The following CDK14 variants were observed in gnomAD, a reference collection of about 807,000 sequenced individuals.
CDK14 encodes cyclin-dependent kinase 14.
Under a neutral mutation model 60.7 loss-of-function variants are expected in CDK14, and 34 were observed. The observed-to-expected ratio is 0.56, with a 90% CI of 0.43 to 0.75. The LOEUF is 0.75. CDK14 is among the 30% of genes least tolerant of loss of function. CDK14 has a pLI of 0.00. For synonymous variants in CDK14, 197 were observed against 203.7 expected (o/e 0.97, Z 0.28); for missense variants, 482 against 564.1 (o/e 0.85, Z 1.47).
chr7:90,630,859 T>C (rs1799979054), intron 2 of CDK14, among the ~76,000 whole-genome samples: 1 of 151,000 alleles, frequency 6.6e-6, no homozygotes, highest in Admixed American at 6.6e-5. Flanking sequence ...GGTGGTGTTA[T>C]CTCTGAGTAT....
In CDK14 at chr7:90,825,381, T is replaced by G. The variant is rs571309570; in HGVS notation, c.544+34729T>G. Among the ~76,000 whole-genome samples the G allele has an allele frequency of 2.7e-4, 41 of 152,306 alleles. 1 individual carries two copies. The highest frequency in any genetic ancestry group is 1.6e-4 in the Non-Finnish European group (11 of 68,026). On this transcript the variant is annotated intron_variant, in intron 5 of 14. Transcript: ENST00000380050. ...CTGTAGGACCCTCCAAGAAAAGTTA[T>G]GTATAAAGGAGAGTTATACTCATTT...
chr7:90,832,622 A>G (rs963589087), intron 5 of CDK14, among the ~76,000 whole-genome samples: 3 of 152,228 alleles, frequency 2.0e-5, no homozygotes, highest in Non-Finnish European at 2.9e-5. Context: ...AGAGTCAATC[A>G]GCATGGAAAA....
At chr7:90,734,517 C>CT (rs1476473884) in intron 3 of CDK14, among the ~76,000 whole-genome samples, 2 of 152,140 alleles carry the variant, frequency 1.3e-5, no homozygotes, top group Non-Finnish European at 2.9e-5. Context: ...TCTTTTCACT[C>CT]TTTTTTCTCT....
intron 3 of CDK14, among the ~76,000 whole-genome samples, chr7:90,732,562 G>C (rs2116737216): frequency 6.6e-6 from 1 of 152,234 alleles, no homozygotes; most frequent in East Asian, 1.9e-4. Context: ...TCCTGGTTTA[G>C]TTTTAGGAGG....
chr7:91,106,709 A>C (rs1216380649), intron 12 of CDK14, among the ~76,000 whole-genome samples: 2 of 152,214 alleles, frequency 1.3e-5, no homozygotes, highest in East Asian at 3.8e-4. Context: ...AAATATTAAA[A>C]AGTTAAGGAG....
chr7:91,132,542 A>C (rs1021214274), intron 14 of CDK14, among the ~76,000 whole-genome samples: 1 of 152,192 alleles, frequency 6.6e-6, no homozygotes, highest in Non-Finnish European at 1.5e-5. Context: ...AACATCTTCA[A>C]GCTGAGAGAT....
intron 9 of CDK14, among the ~76,000 whole-genome samples, chr7:90,972,974 T>C (rs1341290356): frequency 6.6e-6 from 1 of 152,174 alleles, no homozygotes; most frequent in Non-Finnish European, 1.5e-5. Flanking sequence ...AGCATACACA[T>C]TAAAGGATGA....
intron 2 of CDK14, among the ~76,000 whole-genome samples, chr7:90,642,211 AT>A (rs1354465956): frequency 1.3e-5 from 2 of 152,242 alleles, no homozygotes; most frequent in Non-Finnish European, 2.9e-5. Context: ...TAATAGTTTC[AT>A]TTTTAAGAGT....
chr7:90,790,100 C>T (rs1805765181), intron 4 of CDK14, among the ~76,000 whole-genome samples: 1 of 116,812 alleles, frequency 8.6e-6, no homozygotes, highest in South Asian at 2.8e-4. Context: ...GGAATTTTTT[C>T]CTTTTTTTTT....
At chr7:90,947,327 G>A (rs1194795542) in intron 8 of CDK14, among the ~76,000 whole-genome samples, 2 of 152,122 alleles carry the variant, frequency 1.3e-5, no homozygotes, top group African/African-American at 4.8e-5. Flanking sequence ...CATCCAATGT[G>A]AGCCCCACAC....
chr7:90,985,201 A>G (rs930031725), intron 10 of CDK14, among the ~76,000 whole-genome samples: 3 of 152,242 alleles, frequency 2.0e-5, no homozygotes, highest in South Asian at 4.1e-4. Flanking sequence ...ACTTTTGAAA[A>G]TGTGTAAAAT....
Position 91,209,330 on chromosome 7 carries a change from C to A in CDK14, c.*2194C>A, listed in dbSNP as rs1364015290. ...TGTTTTGTTACAGAGACATGCCTCTCAGAAGGTCAGGAGGTTTTGAGTACC... is the reference window on the plus strand; with the variant it reads ...TGTTTTGTTACAGAGACATGCCTCTAAGAAGGTCAGGAGGTTTTGAGTACC... On this transcript the variant is annotated 3_prime_UTR_variant, in exon 15 of 15. Coordinates refer to ENST00000380050, the MANE Select transcript of CDK14 (RefSeq NM_001287135.2). The A allele has an allele frequency of 1.3e-5, 2 of 152,194 alleles. No individual in the cohort carries two copies. Among genetic ancestry groups the A allele is most frequent in the African/African-American group, 4.8e-5 (2 of 41,438 alleles). The allele number at this position is 152,194 out of a possible 1,614,324, so 9.4% of individuals were successfully genotyped here.
chr7:90,631,036 C>T (rs1799986628), intron 2 of CDK14, among the ~76,000 whole-genome samples: 1 of 151,998 alleles, frequency 6.6e-6, no homozygotes, highest in South Asian at 2.1e-4. Flanking sequence ...CTGTATATTA[C>T]AAACACTTAC....
intron 8 of CDK14, among the ~76,000 whole-genome samples, chr7:90,935,941 C>T (rs979042959): frequency 1.3e-5 from 2 of 151,620 alleles, no homozygotes; most frequent in Non-Finnish European, 2.9e-5. Flanking sequence ...AGCTACTCAG[C>T]AGGCTGAAGC....
rs536208149 is a variant in CDK14, at chr7:90,945,302, C to T, written c.827-10395C>T. 2.6e-5 allele frequency among the ~76,000 whole-genome samples: 4 copies of T among 152,284 alleles called. No homozygotes were observed. In the South Asian group the frequency reaches 6.2e-4, roughly 24 times the overall value. ...TTTTCATGCATTATCTCATCTAATT[C>T]GCACAAATACCTTTCGAGTTAGATG... On this transcript the variant is annotated intron_variant, in intron 8 of 14. Coordinates refer to ENST00000380050, the MANE Select transcript of CDK14 (RefSeq NM_001287135.2).
At position 90,679,352 on chromosome 7, in the gene CDK14, T is replaced by C. The variant is rs182929975; in HGVS notation, c.124-47215T>C. Among the ~76,000 whole-genome samples the C allele has an allele frequency of 2.2e-4, 33 of 152,336 alleles. 1 individual carries two copies. Among genetic ancestry groups the C allele is most frequent in the African/African-American group, 7.7e-4 (32 of 41,576 alleles). ...TTAACAAAATAATCTGAGTTGCATA[T>C]ACAAACAAATACTTTAAAGCTTATT... On this transcript the variant is annotated intron_variant, in intron 2 of 14. Transcript: ENST00000380050.
chr7:90,894,212 T>A (rs1792226598), intron 6 of CDK14, among the ~76,000 whole-genome samples: 2 of 152,174 alleles, frequency 1.3e-5, no homozygotes, highest in Middle Eastern at 3.2e-3. Context: ...ACAATAACCA[T>A]GTGAGGTTAA....
intron 10 of CDK14, among the ~76,000 whole-genome samples, chr7:91,041,554 A>G (rs1797091078): frequency 1.3e-5 from 2 of 152,174 alleles, no homozygotes; most frequent in African/African-American, 2.4e-5. Flanking sequence ...TTACATCATG[A>G]CTCACTATGC....
intron 14 of CDK14, among the ~76,000 whole-genome samples, chr7:91,155,797 A>G (rs996870484): frequency 6.6e-6 from 1 of 152,212 alleles, no homozygotes; most frequent in African/African-American, 2.4e-5. Flanking sequence ...GGGTTTATAT[A>G]TTAAAACAGA....
Sources: gnomAD v4.1 joint callset for allele counts (sites outside exome capture counted in the v4.1 genomes callset) on GRCh38, gnomAD v4.1.1 for gene constraint, MANE v1.5 for transcripts, NCBI Gene and HGNC (gene_info 2026-07-23, HGNC 2026-07-21) for gene names.